The following LRP2 variants were observed in gnomAD, a reference collection of about 807,000 sequenced individuals.
LRP2 encodes low-density lipoprotein receptor-related protein 2.
A neutral mutation model predicts 531.0 loss-of-function variants in LRP2; 172 were observed. The observed-to-expected ratio is 0.32, with a 90% CI of 0.29 to 0.37. The LOEUF is 0.37. Among genes scored for constraint, LRP2 ranks in the 10% least tolerant of loss-of-function variants. LRP2 has a pLI of 1.00. For synonymous variants in LRP2, 1,992 were observed against 2,027.6 expected (o/e 0.98, Z 0.47); for missense variants, 5,167 against 5,868.3 (o/e 0.88, Z 3.90).
At chr2:169,157,247 C>A in intron 64 of LRP2, 124 bp downstream of exon 64, 1 of 1,045,182 alleles carries the variant, frequency 9.6e-7, no homozygotes, top group Non-Finnish European at 1.4e-6. Flanking sequence ...GACCTAGAAC[C>A]ATGAAACCAT....
intron 48 of LRP2, among the ~76,000 whole-genome samples, chr2:169,189,883 A>C (rs1291615342): frequency 6.6e-6 from 1 of 152,078 alleles, no homozygotes; most frequent in African/African-American, 2.4e-5. Context: ...AGAGAAAGGG[A>C]GGGAAAGTGA....
At chr2:169,153,163 G>C (rs949372521) in intron 66 of LRP2, among the ~76,000 whole-genome samples, 199 bp from the exon 67 acceptor site, 6 of 152,230 alleles carry the variant, frequency 3.9e-5, no homozygotes, top group Non-Finnish European at 7.3e-5. Context: ...AGCTACAAAT[G>C]CTTCAACTGA....
rs1265800440 is a variant in LRP2 at position 169,241,363 on chromosome 2, T to C, written c.3670A>G (p.Thr1224Ala). 3.7e-6 allele frequency: 6 copies of C among 1,614,006 alleles called. No homozygotes were observed. Among genetic ancestry groups the C allele is most frequent in the Non-Finnish European group, 4.2e-6 (5 of 1,180,038 alleles). ...GAGTGGCACATACCAGGAGGCCTGG[T>C]TGCTAGAAGGAAAACATGGGGTAAA... ...SDNSDEAGCP[T>A]RPPGMCHSDE... Residue 1224 changes from threonine (T) to alanine (A), a missense_variant and splice_region_variant, in exon 25 of 79, where the codon ACC becomes GCC. Transcript: ENST00000649046.
chr2:169,269,642 A>T (rs1683344676), intron 16 of LRP2, among the ~76,000 whole-genome samples: 1 of 152,254 alleles, frequency 6.6e-6, no homozygotes, highest in Non-Finnish European at 1.5e-5. Flanking sequence ...ACCTAAAGCC[A>T]TAAGAACCCT....
At chr2:169,271,777 A>T (rs1377707516) in intron 15 of LRP2, 3 of 629,842 alleles carry the variant, frequency 4.8e-6, no homozygotes, top group Non-Finnish European at 5.9e-6. Flanking sequence ...TACACCAAGA[A>T]CCTTACAGTA....
Position 169,270,986 on chromosome 2 carries a change from A to G in LRP2, c.2238T>C (p.Ile746=). 6.2e-7 allele frequency: 1 copy of G among 1,613,416 alleles called. No individual in the cohort carries two copies. ...TAGTGCTGTCCTGGGCGTCAAAATC[A>G]ATCCCGACAAAGAAAGAAGGATTCC... ...VSGNPSFFVG[I]DFDAQDSTIF... Residue 746 remains isoleucine (I), a synonymous_variant, in exon 16 of 79, where the codon ATT becomes ATC. Transcript: ENST00000649046.
chr2:169,360,148 AGAGAG>A (rs1489900287), intron 1 of LRP2, among the ~76,000 whole-genome samples: 3 of 41,314 alleles, frequency 7.3e-5, no homozygotes, highest in African/African-American at 1.2e-4. Flanking sequence ...AAAAAAAAAA[AGAGAG>A]AGAGAGAGAG....
intron 77 of LRP2, among the ~76,000 whole-genome samples, chr2:169,131,248 T>C (rs1685276389): frequency 9.8e-6 from 1 of 101,858 alleles, no homozygotes; most frequent in Non-Finnish European, 1.9e-5. Context: ...TGTCTGTGAG[T>C]GTATGAGTGT....
intron 25 of LRP2, 46 bp from the exon 26 acceptor site, chr2:169,239,821 T>C: frequency 6.6e-7 from 1 of 1,515,210 alleles, no homozygotes; most frequent in East Asian, 2.3e-5. Flanking sequence ...TCAAGAATCT[T>C]TGCTTCTTTG....
intron 19 of LRP2, among the ~76,000 whole-genome samples, chr2:169,247,931 T>A (rs982743026): frequency 3.9e-5 from 6 of 152,230 alleles, no homozygotes; most frequent in African/African-American, 1.4e-4. Flanking sequence ...ACAGTCTGAA[T>A]CATTCCTGAG....
chr2:169,339,209 A>G (rs1685499287), intron 1 of LRP2, among the ~76,000 whole-genome samples: 1 of 152,122 alleles, frequency 6.6e-6, no homozygotes, highest in African/African-American at 2.4e-5. Flanking sequence ...ATCTATTAAA[A>G]TAACCTAATT....
Position 169,185,851 on chromosome 2 carries a change from T to A in LRP2, c.9497A>T (p.Lys3166Met), listed in dbSNP as rs775147728. The A allele has an allele frequency of 8.1e-6, 13 of 1,613,956 alleles. No individual in the cohort carries two copies. In the South Asian group the frequency reaches 9.9e-5, roughly 12 times the overall value. ...GTAGGAGCCTATTACATTCTCACAC[T>A]TCTGGCTACAGACAAAAGGCATCTC... The part of the protein sequence containing the change: ...CTEMPFVCSQ[K>M]CENVIGSYIC... The change falls in exon 50 of 79, where the codon AAG becomes ATG. Residue 3166 changes from lysine (K) to methionine (M), a missense_variant. Lys to Met is a moderately conservative substitution (Grantham distance 95). This residue lies in a region of LRP2 where 1,129 missense variants were observed against 1,362.7 expected (regional missense o/e 0.83). Coordinates refer to ENST00000649046, the MANE Select transcript of LRP2 (RefSeq NM_004525.3).
At chr2:169,254,689 G>A (rs564776226) in intron 19 of LRP2, among the ~76,000 whole-genome samples, 1 of 143,266 alleles carries the variant, frequency 7.0e-6, no homozygotes, top group East Asian at 2.1e-4. Context: ...AATAATTATT[G>A]CTATTTTGGG....
intron 62 of LRP2, 150 bp from the exon 63 acceptor site, chr2:169,162,750 A>G: frequency 1.2e-6 from 1 of 821,468 alleles, no homozygotes; most frequent in Non-Finnish European, 2.0e-6. Context: ...GGACCATGTG[A>G]CCAGTTCTAG....
intron 63 of LRP2, among the ~76,000 whole-genome samples, chr2:169,160,690 A>AAACC (rs1553487435): frequency 2.7e-5 from 4 of 147,110 alleles, no homozygotes; most frequent in Admixed American, 1.4e-4. Flanking sequence ...CTTAAAAAAA[A>AAACC]AAAAACCTGC....
intron 63 of LRP2, among the ~76,000 whole-genome samples, chr2:169,161,775 C>T (rs1686597668): frequency 6.6e-6 from 1 of 152,166 alleles, no homozygotes; most frequent in Non-Finnish European, 1.5e-5. Flanking sequence ...CATCCAGCCA[C>T]TCCCTCAACT....
At chr2:169,237,350 T>C in intron 27 of LRP2, 63 bp from the exon 28 acceptor site, 3 of 1,263,998 alleles carry the variant, frequency 2.4e-6, no homozygotes, top group Non-Finnish European at 3.4e-6. Context: ...AACATGGATA[T>C]TATATAAAAA....
intron 1 of LRP2, among the ~76,000 whole-genome samples, chr2:169,357,621 C>T (rs577553938): frequency 2.3e-4 from 35 of 152,194 alleles, no homozygotes; most frequent in Admixed American, 3.3e-4. Context: ...TGAGCCCCCA[C>T]GCCCAGCTCA....
At chr2:169,231,372 T>G (rs1262987636) in intron 31 of LRP2, among the ~76,000 whole-genome samples, 1 of 151,690 alleles carries the variant, frequency 6.6e-6, no homozygotes, top group African/African-American at 2.4e-5. Context: ...AAAATGAAGC[T>G]GTACACAAAC....
Sources: allele counts gnomAD v4.1 joint callset (sites outside exome capture counted in the v4.1 genomes callset), GRCh38; gene constraint gnomAD v4.1.1; regional missense constraint gnomAD v4.1.1; transcripts MANE v1.5; gene names NCBI Gene and HGNC (gene_info 2026-07-23, HGNC 2026-07-21).